RAB2A: variants seen among roughly 807,000 people sequenced by gnomAD.
RAB2A encodes the protein RAB2A, member RAS oncogene family.
A neutral mutation model predicts 32.5 loss-of-function variants in RAB2A; 7 were observed. That is an observed-to-expected ratio of 0.22 (90% CI 0.12 to 0.40). RAB2A has a LOEUF of 0.40. Among genes scored for constraint, RAB2A ranks in the 10% least tolerant of loss-of-function variants. The pLI, the probability that RAB2A is intolerant of heterozygous loss-of-function variation, is 1.00. For synonymous variants in RAB2A, 79 were observed against 85.2 expected, an observed-to-expected ratio of 0.93 and a Z score of 0.40; for missense variants, 108 against 260.7, an observed-to-expected ratio of 0.41 and a Z score of 4.03.
At position 60,623,060 on chromosome 8, in the gene RAB2A, TG is replaced by T. The variant is rs1366071548; in HGVS notation, c.*2292del. The T allele has an allele frequency of 6.6e-6, 1 of 152,180 alleles. No individual in the cohort carries two copies. The highest frequency in any genetic ancestry group is 2.4e-5 in the African/African-American group (1 of 41,444). The allele number at this position is 152,180 out of a possible 1,614,324, so 9.4% of individuals were successfully genotyped here. On this transcript the variant is annotated 3_prime_UTR_variant, in exon 8 of 8. Transcript: ENST00000262646. ...TCTATGGACATAGAAAATCAGTCAC[TG>T]AAAAAAATAAACACAGCTTTCAATG...
At chr8:60,601,630 G>A (rs1259678673) in intron 6 of RAB2A, among the ~76,000 whole-genome samples, 3 of 152,188 alleles carry the variant, frequency 2.0e-5, no homozygotes, top group Non-Finnish European at 4.4e-5. Flanking sequence ...GAGCTGCCAT[G>A]CCCAGCATAT....
chr8:60,538,104 C>G (rs1807584812), intron 1 of RAB2A, among the ~76,000 whole-genome samples: 1 of 152,154 alleles, frequency 6.6e-6, no homozygotes, highest in South Asian at 2.1e-4. Context: ...CCATTTTTGC[C>G]GCATTCTTAC....
intron 5 of RAB2A, among the ~76,000 whole-genome samples, chr8:60,591,174 A>C (rs1239848986): frequency 4.6e-5 from 7 of 151,960 alleles, no homozygotes; most frequent in Non-Finnish European, 1.0e-4. Flanking sequence ...TTTAAAAGCA[A>C]CTGCTACCTC....
chr8:60,611,490 G>A (rs1804347282), intron 6 of RAB2A, among the ~76,000 whole-genome samples: 1 of 152,120 alleles, frequency 6.6e-6, no homozygotes, highest in African/African-American at 2.4e-5. Context: ...AGCAACTGAA[G>A]GTTTTTCTTC....
chr8:60,544,572 TA>T (rs145487461), intron 1 of RAB2A, among the ~76,000 whole-genome samples: 14,915 of 133,496 alleles, frequency 0.11, 1,037 homozygotes, highest in East Asian at 0.22. Flanking sequence ...TTTTTTTTTT[TA>T]AAATAGAGAT....
chr8:60,575,023 T>C (rs7817208), intron 3 of RAB2A, among the ~76,000 whole-genome samples: 1 of 152,000 alleles, frequency 6.6e-6, no homozygotes, highest in East Asian at 1.9e-4. Context: ...GTTTAACTTA[T>C]TTCTTTTGGA....
intron 5 of RAB2A, among the ~76,000 whole-genome samples, chr8:60,590,348 C>G (rs537232186): frequency 6.6e-6 from 1 of 151,282 alleles, no homozygotes; most frequent in African/African-American, 2.4e-5. Context: ...TTTGAAAAAT[C>G]CTACCCAGGC....
rs1803794777 is a variant in RAB2A at position 60,583,390 on chromosome 8, G to A, written c.187-818G>A. On this transcript the variant is annotated intron_variant, in intron 3 of 7. Coordinates refer to ENST00000262646, the MANE Select transcript of RAB2A (RefSeq NM_002865.3). ...GACAGAACAGTCACATTCCTCCCCA[G>A]CAATTCTTAAAAAAACAGAAATTAG... 2.0e-5 allele frequency among the ~76,000 whole-genome samples: 3 copies of A among 148,828 alleles called. No individual in the cohort carries two copies. The South Asian group carries it at 6.2e-4, about 31-fold the overall frequency.
At chr8:60,560,177 A>C (rs756599007) in intron 2 of RAB2A, among the ~76,000 whole-genome samples, 7 of 152,082 alleles carry the variant, frequency 4.6e-5, no homozygotes, top group Non-Finnish European at 8.8e-5. Context: ...GCAGCCCCCA[A>C]ATCCCTGGCT....
intron 1 of RAB2A, among the ~76,000 whole-genome samples, chr8:60,550,640 G>A (rs143693718): frequency 0.016 from 2,496 of 152,094 alleles, 39 homozygotes; most frequent in Non-Finnish European, 0.022. Context: ...ACCTACCTTG[G>A]CCTCCCAAAG....
At chr8:60,581,961 T>TTA (rs56972634) in intron 3 of RAB2A, among the ~76,000 whole-genome samples, 2 of 151,012 alleles carry the variant, frequency 1.3e-5, no homozygotes, top group Non-Finnish European at 3.0e-5. Flanking sequence ...TTTTTTTTTT[T>TTA]AAAGACACAG....
chr8:60,545,174 A>G (rs1807708429), intron 1 of RAB2A, among the ~76,000 whole-genome samples: 1 of 152,108 alleles, frequency 6.6e-6, no homozygotes, highest in African/African-American at 2.4e-5. Flanking sequence ...CTCCAGTAGA[A>G]TACCCAGCAC....
chr8:60,567,739 A>G lies in RAB2A; in HGVS notation c.119-4307A>G, dbSNP rs192574667. 2.8e-5 allele frequency among the ~76,000 whole-genome samples: 4 copies of G among 142,714 alleles called. No homozygotes were observed. In the East Asian group the frequency reaches 7.7e-4, roughly 28 times the overall value. The allele number at this position is 142,714 out of a possible 152,430, so 93.6% of individuals were successfully genotyped here. A position where few individuals can be genotyped will look rare whatever the true frequency, so the allele number is the denominator to read the frequency against. ...TTTTTTAAGTTTGGAGATTGTATAGATTTTGTTGTTATTGTAAGTAAATTT... is the reference window on the plus strand; with the variant it reads ...TTTTTTAAGTTTGGAGATTGTATAGGTTTTGTTGTTATTGTAAGTAAATTT... On this transcript the variant is annotated intron_variant, in intron 2 of 7. Transcript: ENST00000262646.
At chr8:60,552,001 G>GTTTTTTTTTTTTTTTTTTTTTTT (rs78161048) in intron 1 of RAB2A, 4 of 109,752 alleles carry the variant, frequency 3.6e-5, no homozygotes, top group African/African-American at 1.1e-4. Flanking sequence ...GTAGCTGGGA[G>GTTTTTTTTTTTTTTTTTTTTTTT]TTTTTTTTTT....
At chr8:60,610,736 C>G (rs1804328058) in intron 6 of RAB2A, among the ~76,000 whole-genome samples, 1 of 152,208 alleles carries the variant, frequency 6.6e-6, no homozygotes, top group Non-Finnish European at 1.5e-5. Flanking sequence ...AAAGTTGCAT[C>G]CATTTTCTGT....
At chr8:60,598,770 A>G (rs1804073392) in intron 6 of RAB2A, among the ~76,000 whole-genome samples, 2 of 151,902 alleles carry the variant, frequency 1.3e-5, no homozygotes, top group African/African-American at 2.4e-5. Context: ...GACTTCCTCA[A>G]CTTGTTAAAG....
intron 6 of RAB2A, among the ~76,000 whole-genome samples, chr8:60,598,410 C>T (rs1298331071): frequency 6.6e-6 from 1 of 152,120 alleles, no homozygotes; most frequent in Non-Finnish European, 1.5e-5. Context: ...ACTGATTTTA[C>T]TCTGACACTA....
At chr8:60,559,080 T>C in intron 2 of RAB2A, 157 bp downstream of exon 2, 1 of 568,438 alleles carries the variant, frequency 1.8e-6, no homozygotes, top group South Asian at 2.4e-5. Context: ...AAAATATGTG[T>C]AGTAAAAATA....
intron 5 of RAB2A, among the ~76,000 whole-genome samples, chr8:60,587,004 A>G (rs993057076): frequency 9.3e-5 from 14 of 150,776 alleles, no homozygotes; most frequent in Middle Eastern, 3.2e-3. Context: ...CTTTTTTGGG[A>G]GGGTAGATAT....
Sources: gnomAD v4.1 joint callset for allele counts (sites outside exome capture counted in the v4.1 genomes callset) on GRCh38, gnomAD v4.1.1 for gene constraint, MANE v1.5 for transcripts, NCBI Gene and HGNC (gene_info 2026-07-23, HGNC 2026-07-21) for gene names.